Variants in NUP85 observed in about 807,000 individuals in gnomAD.
NUP85 encodes nucleoporin 85.
A neutral mutation model predicts 92.8 loss-of-function variants in NUP85; 23 were observed. The observed-to-expected ratio is 0.25, with a 90% CI of 0.18 to 0.35. NUP85 has a LOEUF of 0.35. NUP85 is among the 10% of genes least tolerant of loss of function. NUP85 has a pLI of 1.00. For synonymous variants in NUP85, 314 were observed against 306.9 expected, an observed-to-expected ratio of 1.02 and a Z score of -0.24; for missense variants, 759 against 822.8, an observed-to-expected ratio of 0.92 and a Z score of 0.95.
chr17:75,234,012 G>A (rs954484820), intron 16 of NUP85, among the ~76,000 whole-genome samples: 3 of 151,490 alleles, frequency 2.0e-5, no homozygotes, highest in African/African-American at 7.3e-5. Flanking sequence ...GGGATTACAG[G>A]TGTGAGCTAC....
chr17:75,231,721 G>C lies in NUP85; in HGVS notation c.1244+83G>C. On this transcript the variant is annotated intron_variant, in intron 13 of 18. Coordinates refer to ENST00000245544, the MANE Select transcript of NUP85 (RefSeq NM_024844.5). This position sits in a 1 kb window ranked among gnomAD's most constrained non-coding sequence, Gnocchi z 4.6. ...TTGGAGCTTGGACTGTTCTCTCCCA[G>C]TTGGCTCCTTGAAGGCTTCGGAAGG... 1 of 1,604,106 alleles carries C rather than the reference G, an allele frequency of 6.2e-7. No homozygotes were observed. Among genetic ancestry groups the C allele is most frequent in the South Asian group, 1.1e-5 (1 of 90,832 alleles).
intron 7 of NUP85, among the ~76,000 whole-genome samples, chr17:75,224,747 G>A (rs1335287388): frequency 6.6e-6 from 1 of 151,060 alleles, no homozygotes; most frequent in African/African-American, 2.4e-5. Context: ...CAGGAGAATC[G>A]CTTGAACCCG....
At chr17:75,208,683 C>T (rs1275357078) in intron 2 of NUP85, 63 bp downstream of exon 2, 3 of 888,542 alleles carry the variant, frequency 3.4e-6, no homozygotes, top group Admixed American at 1.9e-5. Flanking sequence ...CTGTTTATTA[C>T]CTCAGATTTT....
rs191626069 is a variant in NUP85 at position 75,229,395 on chromosome 17, A to G, written c.1095-1945A>G. Among the ~76,000 whole-genome samples the G allele has an allele frequency of 2.0e-3, 312 of 152,322 alleles. 3 individuals carry two copies. The highest frequency in any genetic ancestry group is 7.1e-3 in the African/African-American group (296 of 41,570). ...GGACAAACAGCTCATTTGGGGCTAC[A>G]GTTGCTTAGAGGGGTCACCTTCACC... On this transcript the variant is annotated intron_variant, in intron 11 of 18. Coordinates refer to ENST00000245544, the MANE Select transcript of NUP85 (RefSeq NM_024844.5).
At chr17:75,233,437 C>CTTTTTTTTTTTTTT (rs60396796) in intron 16 of NUP85, among the ~76,000 whole-genome samples, 4 of 117,186 alleles carry the variant, frequency 3.4e-5, no homozygotes, top group African/African-American at 1.0e-4. Context: ...TTTATTTTTT[C>CTTTTTTTTTTTTTT]TTTTTTTTTT....
rs768653087 is a variant in NUP85, at chr17:75,231,456, C to T, written c.1178+33C>T. ...GCCGGGAGGCACCGATCCTCCTCTT[C>T]TTACCACCAGGCCCCCGAGGGTGGT... On this transcript the variant is annotated intron_variant, in intron 12 of 18. Coordinates refer to ENST00000245544, the MANE Select transcript of NUP85 (RefSeq NM_024844.5). The surrounding 1 kb of genome is among the most constrained non-coding windows in gnomAD (Gnocchi z 4.6). The T allele has an allele frequency of 1.2e-5, 20 of 1,612,776 alleles. No homozygotes were observed. The highest frequency in any genetic ancestry group is 1.7e-5 in the Non-Finnish European group (20 of 1,178,740).
chr17:75,211,823 C>A (rs1457527968), intron 3 of NUP85, among the ~76,000 whole-genome samples, 169 bp from the exon 4 acceptor site: 1 of 152,018 alleles, frequency 6.6e-6, no homozygotes, highest in South Asian at 2.1e-4. Context: ...TGTTTTGTGG[C>A]GTTTTATTTT....
chr17:75,224,165 C>T (rs1440953040), intron 7 of NUP85, among the ~76,000 whole-genome samples: 1 of 152,142 alleles, frequency 6.6e-6, no homozygotes, highest in Non-Finnish European at 1.5e-5. Context: ...CCTGCCTTAG[C>T]CTCCCAAGTA....
At chr17:75,223,079 C>G (rs899669829) in intron 7 of NUP85, among the ~76,000 whole-genome samples, 2 of 150,014 alleles carry the variant, frequency 1.3e-5, no homozygotes, top group East Asian at 3.9e-4. Context: ...CACTATAATT[C>G]GTGTCTGAAT....
intron 11 of NUP85, chr17:75,228,234 T>A: frequency 1.0e-6 from 1 of 985,412 alleles, no homozygotes; most frequent in Non-Finnish European, 1.2e-6. Flanking sequence ...AGCATCCTGC[T>A]GTTTCCAGTG....
chr17:75,212,271 T>G (rs2075298233), intron 4 of NUP85, among the ~76,000 whole-genome samples: 1 of 78,498 alleles, frequency 1.3e-5, no homozygotes, highest in Admixed American at 1.9e-4. Context: ...TTTTTTTTTT[T>G]TTTTTTTTTT....
At position 75,205,813 on chromosome 17, in the gene NUP85, G is replaced by A; in HGVS notation, c.33+19G>A. The A allele has an allele frequency of 6.2e-7, 1 of 1,613,986 alleles. No individual in the cohort carries two copies. The highest frequency in any genetic ancestry group is 1.6e-4 in the Middle Eastern group (1 of 6,062). ...AGTCACTGTAAGGGTACCCCGAACA[G>A]GCTTGCTCGTCCTTGCGGGTTGAGA... is the stretch of plus-strand genomic sequence containing the variant. On this transcript the variant is annotated intron_variant, in intron 1 of 18. Transcript: ENST00000245544.
intron 3 of NUP85, among the ~76,000 whole-genome samples, chr17:75,210,376 C>G (rs1015888333): frequency 6.6e-6 from 1 of 152,132 alleles, no homozygotes; most frequent in African/African-American, 2.4e-5. Flanking sequence ...GACCAGAAAA[C>G]TCTCGTACTA....
At chr17:75,222,417 C>T (rs1598297771) in intron 7 of NUP85, among the ~76,000 whole-genome samples, 2 of 150,994 alleles carry the variant, frequency 1.3e-5, no homozygotes, top group East Asian at 3.9e-4. Flanking sequence ...ATATACAAAG[C>T]TGGAATTCAG....
Position 75,232,910 on chromosome 17 carries a change from G to A in NUP85, c.1456G>A (p.Ala486Thr), listed in dbSNP as rs1362424134. The A allele has an allele frequency of 5.0e-6, 8 of 1,614,206 alleles. No individual in the cohort carries two copies. Among genetic ancestry groups the A allele is most frequent in the East Asian group, 2.2e-5 (1 of 44,888 alleles). ...KAVRNNRLGS[A>T]LSWSIRAKDA... ...CGTCCGCAACAATCGCCTGGGTTCT[G>A]CCCTCTCTTGGAGCATCCGTGCTAA... Residue 486 changes from alanine to threonine, a missense_variant, in exon 15 of 19, where the codon GCC becomes ACC. Transcript: ENST00000245544.
intron 7 of NUP85, among the ~76,000 whole-genome samples, chr17:75,223,782 A>AT (rs1198972012): frequency 6.6e-6 from 1 of 152,058 alleles, no homozygotes; most frequent in Non-Finnish European, 1.5e-5. Flanking sequence ...TTTCATTTTA[A>AT]TTTTTTTCCA....
At chr17:75,209,548 A>G (rs1250582329) in intron 2 of NUP85, among the ~76,000 whole-genome samples, 4 of 150,442 alleles carry the variant, frequency 2.7e-5, no homozygotes, top group East Asian at 2.0e-4. Flanking sequence ...GTTTGAAGCA[A>G]TTCTCCTGCC....
chr17:75,232,839 T>G lies in NUP85; in HGVS notation c.1397-12T>G, dbSNP rs1568094527. 1.2e-6 allele frequency: 2 copies of G among 1,612,532 alleles called. No homozygotes were observed. The highest frequency in any genetic ancestry group is 1.1e-5 in the South Asian group (1 of 91,026). Reference sequence around the variant, plus strand: ...AGTGAAAGCCGTTTACCTTTTCTTTTCCCCTGCAAAGTTCGCAGCATTTGT... The same window carrying G: ...AGTGAAAGCCGTTTACCTTTTCTTTGCCCCTGCAAAGTTCGCAGCATTTGT... On this transcript the variant is annotated splice_polypyrimidine_tract_variant and intron_variant, in intron 14 of 18. Transcript: ENST00000245544.
Position 75,218,632 on chromosome 17 carries a change from G to A in NUP85, c.597+326G>A, listed in dbSNP as rs1194765325. ...TGAGACAGGGTCTCGGCTGGGTGCG[G>A]TGGCTCATGCCTGTAATTCCAGCCA... On this transcript the variant is annotated intron_variant, in intron 7 of 18. Transcript: ENST00000245544. Among the ~76,000 whole-genome samples, 5 of 145,210 alleles carry A rather than the reference G, an allele frequency of 3.4e-5. No individual in the cohort carries two copies. In the South Asian group the frequency reaches 6.7e-4, roughly 19 times the overall value.
Sources: allele counts gnomAD v4.1 joint callset (sites outside exome capture counted in the v4.1 genomes callset), GRCh38; gene constraint gnomAD v4.1.1; non-coding constraint Gnocchi (gnomAD v3.1); transcripts MANE v1.5; gene names NCBI Gene and HGNC (gene_info 2026-07-23, HGNC 2026-07-21).